Variants in SUPT3H observed in about 807,000 individuals in gnomAD.
SUPT3H encodes transcription initiation protein SPT3 homolog.
Under a neutral mutation model 44.3 loss-of-function variants are expected in SUPT3H, and 44 were observed. The ratio of observed to expected loss-of-function variants is 0.99; its 90% CI spans 0.78 to 1.28. The LOEUF (loss-of-function observed/expected upper bound fraction) is 1.28, where lower values mean the gene tolerates loss of function less well. SUPT3H is among the 50% of genes most tolerant of loss of function. The pLI is 0.00. For missense variants in SUPT3H, 380 were observed against 387.1 expected (o/e 0.98, Z 0.15); for synonymous variants, 124 against 125.6 (o/e 0.99, Z 0.09).
intron 2 of SUPT3H, among the ~76,000 whole-genome samples, chr6:45,283,744 C>T (rs962074772): frequency 3.9e-5 from 6 of 152,050 alleles, no homozygotes; most frequent in Non-Finnish European, 5.9e-5. Flanking sequence ...ACATAATAGA[C>T]ATCTACAGAA....
chr6:45,026,940 A>C (rs1786099742), intron 3 of SUPT3H, among the ~76,000 whole-genome samples: 1 of 150,090 alleles, frequency 6.7e-6, no homozygotes, highest in Non-Finnish European at 1.5e-5. Flanking sequence ...GAGACATCTC[A>C]TCTGGAGCCC....
intron 2 of SUPT3H, among the ~76,000 whole-genome samples, chr6:45,279,534 C>T (rs1442558317): frequency 6.6e-6 from 1 of 152,016 alleles, no homozygotes; most frequent in Non-Finnish European, 1.5e-5. Context: ...GTAGCACCTC[C>T]CCCCTTTCTG....
intron 2 of SUPT3H, among the ~76,000 whole-genome samples, chr6:45,345,064 G>A (rs1453658413): frequency 6.6e-6 from 1 of 152,148 alleles, no homozygotes; most frequent in Non-Finnish European, 1.5e-5. Flanking sequence ...CTCATGGGAT[G>A]AAACAGAGGA....
chr6:45,242,417 G>A (rs376560313), intron 2 of SUPT3H, among the ~76,000 whole-genome samples: 1 of 152,260 alleles, frequency 6.6e-6, no homozygotes, highest in East Asian at 1.9e-4. Context: ...TAAATACTAA[G>A]TTGAAAATGC....
intron 2 of SUPT3H, among the ~76,000 whole-genome samples, chr6:45,122,205 G>A (rs1801781607): frequency 6.6e-6 from 1 of 152,120 alleles, no homozygotes. Context: ...TTCCAGATAT[G>A]GGGTTGGGGT....
intron 2 of SUPT3H, among the ~76,000 whole-genome samples, chr6:45,226,041 G>C (rs575150456): frequency 3.3e-4 from 50 of 152,220 alleles, no homozygotes; most frequent in African/African-American, 1.2e-3. Context: ...GCAATCCTCA[G>C]ATATGTAAGA....
chr6:45,037,804 CAA>C (rs201001723), intron 3 of SUPT3H, among the ~76,000 whole-genome samples: 5 of 131,598 alleles, frequency 3.8e-5, no homozygotes, highest in Admixed American at 7.6e-5. Context: ...AACTCAGTCT[CAA>C]AAAAAAAAAA....
intron 3 of SUPT3H, among the ~76,000 whole-genome samples, chr6:45,092,009 T>C (rs931141793): frequency 2.6e-5 from 4 of 152,112 alleles, no homozygotes; most frequent in African/African-American, 9.7e-5. Flanking sequence ...TATTTTAATA[T>C]ATATTTTCTG....
chr6:45,085,283 C>T (rs1192103658), intron 3 of SUPT3H, among the ~76,000 whole-genome samples: 1 of 152,106 alleles, frequency 6.6e-6, no homozygotes, highest in Admixed American at 6.6e-5. Flanking sequence ...TCTGAAGCAT[C>T]TCTATGCACC....
chr6:45,372,606 C>T (rs1016687146), intron 1 of SUPT3H, among the ~76,000 whole-genome samples: 1 of 152,024 alleles, frequency 6.6e-6, no homozygotes, highest in Non-Finnish European at 1.5e-5. Flanking sequence ...ATTTACTGTC[C>T]TGTGAATTCA....
chr6:45,290,043 G>A (rs144573809), intron 2 of SUPT3H, among the ~76,000 whole-genome samples: 14 of 152,080 alleles, frequency 9.2e-5, no homozygotes, highest in African/African-American at 3.4e-4. Context: ...AGTCAGGCGT[G>A]GTGACACACA....
At chr6:44,977,898 T>C (rs994719264) in intron 6 of SUPT3H, among the ~76,000 whole-genome samples, 1 of 152,148 alleles carries the variant, frequency 6.6e-6, no homozygotes, top group Admixed American at 6.6e-5. Context: ...TTTTATAGAA[T>C]TGAAACCCTC....
chr6:45,261,738 A>G (rs1042088108), intron 2 of SUPT3H, among the ~76,000 whole-genome samples: 1 of 152,106 alleles, frequency 6.6e-6, no homozygotes, highest in Admixed American at 6.6e-5. Context: ...AGAGCAATCA[A>G]GGAAAGAGAA....
chr6:45,058,309 A>C (rs1027579344), intron 3 of SUPT3H, among the ~76,000 whole-genome samples: 1 of 152,140 alleles, frequency 6.6e-6, no homozygotes, highest in Non-Finnish European at 1.5e-5. Context: ...TCTTATAGTC[A>C]AGGTTTTGTA....
chr6:45,285,052 C>T (rs150739461), intron 2 of SUPT3H, among the ~76,000 whole-genome samples: 33,705 of 150,646 alleles, frequency 0.22, 4,465 homozygotes, highest in Non-Finnish European at 0.31. Context: ...GCCCTTCATG[C>T]TAAAAACTCT....
intron 2 of SUPT3H, among the ~76,000 whole-genome samples, chr6:45,191,187 A>C (rs1261698528): frequency 1.3e-5 from 2 of 152,114 alleles, no homozygotes; most frequent in Non-Finnish European, 2.9e-5. Context: ...CAATAGGCAA[A>C]TGGATAAACT....
At chr6:45,184,112 G>A (rs1813755912) in intron 2 of SUPT3H, among the ~76,000 whole-genome samples, 2 of 152,240 alleles carry the variant, frequency 1.3e-5, no homozygotes, top group South Asian at 4.1e-4. Flanking sequence ...GTGGGGGAAG[G>A]AGAGAGTACA....
intron 2 of SUPT3H, among the ~76,000 whole-genome samples, chr6:45,296,196 A>ACACACAC (rs1781193666): frequency 1.3e-5 from 2 of 151,728 alleles, no homozygotes; most frequent in Admixed American, 6.6e-5. Flanking sequence ...ACACACACAC[A>ACACACAC]CACACACACA....
At chr6:45,147,560 G>T (rs1806282227) in intron 2 of SUPT3H, among the ~76,000 whole-genome samples, 1 of 151,966 alleles carries the variant, frequency 6.6e-6, no homozygotes, top group South Asian at 2.1e-4. Context: ...ATATATAAAG[G>T]AAGGGTATAA....
Sources: gnomAD v4.1 joint callset for allele counts (sites outside exome capture counted in the v4.1 genomes callset) on GRCh38, gnomAD v4.1.1 for gene constraint, MANE v1.5 for transcripts, NCBI Gene and HGNC (gene_info 2026-07-23, HGNC 2026-07-21) for gene names.